Variants in PKP2 observed in about 807,000 individuals in gnomAD.
The protein encoded by PKP2 is plakophilin 2, also known as plakophilin-2.
Under a neutral mutation model 83.4 loss-of-function variants are expected in PKP2, and 73 were observed. That is an observed-to-expected ratio of 0.88 (90% confidence interval 0.72 to 1.06). The LOEUF is 1.06. Among genes scored for constraint, PKP2 ranks in the 50% least tolerant of loss-of-function variants. The probability of loss-of-function intolerance (pLI) is 0.00; values close to 1 mark genes in which losing one functional copy is unlikely to be tolerated. For synonymous variants in PKP2, 409 were observed against 430.4 expected (o/e 0.95, Z 0.62); for missense variants, 966 against 1,065.4 (o/e 0.91, Z 1.30).
chr12:32,825,971 A>G (rs1956436386), intron 6 of PKP2, among the ~76,000 whole-genome samples: 1 of 152,186 alleles, frequency 6.6e-6, no homozygotes, highest in Non-Finnish European at 1.5e-5. Flanking sequence ...CTTTCAGTGC[A>G]TATTTGTCAA....
At chr12:32,890,905 A>G (rs1479342629) in intron 1 of PKP2, among the ~76,000 whole-genome samples, 1 of 151,178 alleles carries the variant, frequency 6.6e-6, no homozygotes, top group Non-Finnish European at 1.5e-5. Flanking sequence ...GGTTGCAGTG[A>G]GCCGAGATCG....
Position 32,869,040 on chromosome 12 carries a change from G to A in PKP2, c.1057C>T (p.Leu353=). Residue 353 remains leucine, a synonymous_variant, in exon 4 of 13, where the codon CTG becomes TTG. Coordinates refer to ENST00000340811, the MANE Select transcript of PKP2 (RefSeq NM_001005242.3). ...TCGAGCATACTCACTGCTCGCTCCA[G>A]AGTCATCTCCATGTCTGCATTCCTA... ...QLGNADMEMT[L]ERAVSMLEAD... 1 of 1,614,016 alleles carries A rather than the reference G, an allele frequency of 6.2e-7. No individual in the cohort carries two copies. The highest frequency in any genetic ancestry group is 1.1e-5 in the South Asian group (1 of 91,086).
At chr12:32,867,690 GA>G in intron 4 of PKP2, among the ~76,000 whole-genome samples, 1 of 152,162 alleles carries the variant, frequency 6.6e-6, no homozygotes, top group Non-Finnish European at 1.5e-5. Context: ...TTTTAAAAAG[GA>G]AACTCAATCA....
In PKP2 at chr12:32,792,139, C is replaced by A; in HGVS notation, c.*285G>T. 1 of 462,196 alleles carries A rather than the reference C, an allele frequency of 2.2e-6. No individual in the cohort carries two copies. 28.6% of individuals were successfully genotyped at this position (462,196 alleles called of 1,614,324 possible). On this transcript the variant is annotated 3_prime_UTR_variant, in exon 13 of 13. Transcript: ENST00000340811. ...TTATTTATTGGATTAATGTCCCTTC[C>A]ACATGAATTCACATTTTGATTCCAG...
At chr12:32,872,062 C>T (rs1346538940) in intron 3 of PKP2, among the ~76,000 whole-genome samples, 1 of 152,152 alleles carries the variant, frequency 6.6e-6, no homozygotes, top group African/African-American at 2.4e-5. Flanking sequence ...TGGGCCTGGG[C>T]TGGAGGATCA....
At chr12:32,869,958 G>A (rs1470330526) in intron 3 of PKP2, among the ~76,000 whole-genome samples, 1 of 152,164 alleles carries the variant, frequency 6.6e-6, no homozygotes, top group Non-Finnish European at 1.5e-5. Flanking sequence ...GAGCTTGGGA[G>A]GTCAAGGCTG....
intron 1 of PKP2, among the ~76,000 whole-genome samples, chr12:32,889,018 A>G (rs1025809513): frequency 6.6e-6 from 1 of 152,160 alleles, no homozygotes; most frequent in African/African-American, 2.4e-5. Flanking sequence ...TGCACTTTTC[A>G]TGTTTCTTCC....
chr12:32,804,606 C>G (rs1024526951), intron 9 of PKP2, among the ~76,000 whole-genome samples: 3 of 152,196 alleles, frequency 2.0e-5, no homozygotes, highest in African/African-American at 2.4e-5. Flanking sequence ...CCAGCTCCAT[C>G]CATGTCCCTG....
intron 1 of PKP2, among the ~76,000 whole-genome samples, chr12:32,882,586 G>A (rs1405247404): frequency 6.6e-6 from 1 of 152,152 alleles, no homozygotes; most frequent in Non-Finnish European, 1.5e-5. Flanking sequence ...TTATAATCAG[G>A]TTTATTGAAC....
At chr12:32,845,801 T>C (rs1005212234) in intron 5 of PKP2, among the ~76,000 whole-genome samples, 9 of 152,148 alleles carry the variant, frequency 5.9e-5, no homozygotes, top group African/African-American at 1.9e-4. Context: ...GGGAGGAATT[T>C]TTTTTTATTT....
chr12:32,857,167 T>C (rs1956757137), intron 4 of PKP2, among the ~76,000 whole-genome samples: 2 of 152,178 alleles, frequency 1.3e-5, no homozygotes, highest in Non-Finnish European at 2.9e-5. Context: ...CTCATGTCTG[T>C]AATCCTAGCA....
chr12:32,894,071 G>GCATGTGC (rs1957099724), intron 1 of PKP2: 1 of 152,142 alleles, frequency 6.6e-6, no homozygotes. Context: ...GGGATTACCG[G>GCATGTGC]CATGTGCCAC....
chr12:32,793,476 G>T (rs1339055186), intron 11 of PKP2, among the ~76,000 whole-genome samples: 1 of 151,940 alleles, frequency 6.6e-6, no homozygotes, highest in Non-Finnish European at 1.5e-5. Flanking sequence ...GTCAATAAAA[G>T]AAATTCTTGT....
chr12:32,896,486 G>T (rs772764736), intron 1 of PKP2, 23 bp downstream of exon 1: 2 of 1,450,554 alleles, frequency 1.4e-6, no homozygotes, highest in East Asian at 2.7e-5. Context: ...GGGCGGCGCC[G>T]GGGAGCGGCG....
At position 32,790,969 on chromosome 12, in the gene PKP2, G is replaced by A. The variant is rs1333442119; in HGVS notation, c.*1455C>T. On this transcript the variant is annotated 3_prime_UTR_variant, in exon 13 of 13. Coordinates refer to ENST00000340811, the MANE Select transcript of PKP2 (RefSeq NM_001005242.3). ...TAGCAACCTAAGTTGTCTTCATTCA[G>A]CTTTTAAAATTGAAAAAAAATTGCT... 1 of 151,954 alleles carries A rather than the reference G, an allele frequency of 6.6e-6. No individual in the cohort carries two copies. The highest frequency in any genetic ancestry group is 1.5e-5 in the Non-Finnish European group (1 of 67,996). 9.4% of individuals were successfully genotyped at this position (151,954 alleles called of 1,614,324 possible).
chr12:32,872,913 T>C (rs551135571), intron 3 of PKP2, among the ~76,000 whole-genome samples: 12 of 151,696 alleles, frequency 7.9e-5, no homozygotes, highest in African/African-American at 2.9e-4. Context: ...AAAGGTAGAG[T>C]TGAAAGAGAT....
chr12:32,804,184 A>G (rs1414056753), intron 9 of PKP2, among the ~76,000 whole-genome samples: 1 of 152,180 alleles, frequency 6.6e-6, no homozygotes, highest in Non-Finnish European at 1.5e-5. Flanking sequence ...GTGAGAAGAA[A>G]CATGAAAAGC....
chr12:32,851,323 G>GT (rs1040740304), intron 4 of PKP2, among the ~76,000 whole-genome samples: 4 of 151,938 alleles, frequency 2.6e-5, no homozygotes, highest in African/African-American at 7.3e-5. Flanking sequence ...AGTAAGGAGA[G>GT]TTTTTTTTAT....
chr12:32,822,903 C>A (rs902394723), intron 7 of PKP2, among the ~76,000 whole-genome samples: 1 of 152,092 alleles, frequency 6.6e-6, no homozygotes, highest in Admixed American at 6.6e-5. Flanking sequence ...AGCTTAGATA[C>A]GTAACTTACT....
Sources: gnomAD v4.1 joint callset for allele counts (sites outside exome capture counted in the v4.1 genomes callset) on GRCh38, gnomAD v4.1.1 for gene constraint, MANE v1.5 for transcripts, NCBI Gene and HGNC (gene_info 2026-07-23, HGNC 2026-07-21) for gene names.